The following DHX29 variants were observed in gnomAD, a reference collection of about 807,000 sequenced individuals.
DHX29 encodes the protein DExH-box helicase 29, also known as ATP-dependent RNA helicase DHX29.
DHX29 carries 79 observed loss-of-function variants against 167.9 expected under a neutral mutation model. That is an observed-to-expected ratio of 0.47 (90% CI 0.39 to 0.57). DHX29 has a LOEUF of 0.57. Among genes scored for constraint, DHX29 ranks in the 20% least tolerant of loss-of-function variants. The pLI, the probability that DHX29 is intolerant of heterozygous loss-of-function variation, is 0.00. For synonymous variants in DHX29, 530 were observed against 546.0 expected (o/e 0.97, Z 0.41); for missense variants, 1,347 against 1,593.4 (o/e 0.85, Z 2.63).
chr5:55,307,182 CA>C (rs1748914144), intron 1 of DHX29, among the ~76,000 whole-genome samples: 1 of 152,216 alleles, frequency 6.6e-6, no homozygotes, highest in South Asian at 2.1e-4. Context: ...CAGGCTGCAA[CA>C]GGGCTACTGT....
At chr5:55,259,172 T>C (rs1746191219) in intron 26 of DHX29, among the ~76,000 whole-genome samples, 1 of 152,172 alleles carries the variant, frequency 6.6e-6, no homozygotes, top group Non-Finnish European at 1.5e-5. Flanking sequence ...ATAATAGCTA[T>C]GTTACCAGTT....
At chr5:55,258,440 A>T (rs956763935) in intron 26 of DHX29, among the ~76,000 whole-genome samples, 1 of 152,146 alleles carries the variant, frequency 6.6e-6, no homozygotes, top group Non-Finnish European at 1.5e-5. Flanking sequence ...TAAAATATTT[A>T]AAAAATAATA....
intron 8 of DHX29, among the ~76,000 whole-genome samples, chr5:55,287,759 G>A (rs899939270): frequency 4.0e-5 from 6 of 151,638 alleles, no homozygotes; most frequent in African/African-American, 1.5e-4. Context: ...GACCAGCATG[G>A]CCAACATGGC....
intron 16 of DHX29, among the ~76,000 whole-genome samples, chr5:55,274,104 A>C (rs990900937): frequency 4.6e-5 from 7 of 150,982 alleles, no homozygotes; most frequent in Non-Finnish European, 8.8e-5. Context: ...AAAAAAAAAA[A>C]AGATGAAGGC....
intron 23 of DHX29, among the ~76,000 whole-genome samples, chr5:55,264,543 A>G (rs1025746650): frequency 6.6e-6 from 1 of 152,236 alleles, no homozygotes; most frequent in African/African-American, 2.4e-5. Flanking sequence ...AAAATACACT[A>G]GAGAAGTCTT....
chr5:55,272,631 G>T (rs925694539), intron 17 of DHX29, among the ~76,000 whole-genome samples: 3 of 152,178 alleles, frequency 2.0e-5, no homozygotes, highest in Admixed American at 1.3e-4. Context: ...TACTCAGGAG[G>T]CTGAGGCAGC....
chr5:55,281,563 G>A, intron 11 of DHX29, 48 bp from the exon 12 acceptor site: 1 of 1,393,206 alleles, frequency 7.2e-7, no homozygotes, highest in Non-Finnish European at 9.5e-7. Flanking sequence ...GAGTAATATG[G>A]GAAACAAGCT....
At chr5:55,267,844 C>T (rs1256976013) in intron 21 of DHX29, 22 bp from the exon 22 acceptor site, 8 of 1,565,686 alleles carry the variant, frequency 5.1e-6, no homozygotes, top group Non-Finnish European at 6.9e-6. Flanking sequence ...TCATAAATGA[C>T]AAAACAATTT....
At chr5:55,258,865 CTGTTGAAGGATAA>C (rs1474863614) in intron 26 of DHX29, among the ~76,000 whole-genome samples, 1 of 152,052 alleles carries the variant, frequency 6.6e-6, no homozygotes, top group African/African-American at 2.4e-5. Context: ...TTTCAGATTT[CTGTTGAAGGATAA>C]TGTGTTTATT....
In DHX29 at chr5:55,290,229, T is replaced by C. The variant is rs367664398; in HGVS notation, c.896A>G (p.Lys299Arg). Residue 299 changes from lysine (K) to arginine (R), a missense_variant, in exon 7 of 27, where the codon AAA becomes AGA. Lys to Arg is a conservative substitution (Grantham distance 26, BLOSUM62 2). Around this residue, in one of 3 missense-constraint regions of DHX29, gnomAD observed 405 missense variants for 416.8 expected, o/e 0.97. Coordinates refer to ENST00000251636, the MANE Select transcript of DHX29 (RefSeq NM_019030.4). Reference protein sequence around the residue: ...GQKEAQEKIRKFQREMETLED... With the variant: ...GQKEAQEKIRRFQREMETLED... ...TTGAAAGTGTTTACCTCTTTGAAAT[T>C]TCCTTATTTTTTCCTGAGCCTCTTT... is the stretch of plus-strand genomic sequence containing the variant. 52 of 1,608,014 alleles carry C rather than the reference T, an allele frequency of 3.2e-5. No individual in the cohort carries two copies. The highest frequency in any genetic ancestry group is 4.3e-5 in the Non-Finnish European group (51 of 1,178,984).
chr5:55,269,631 T>G lies in DHX29; in HGVS notation c.3076A>C (p.Asn1026His). Residue 1026 changes from asparagine to histidine, a missense_variant, in exon 21 of 27, where the codon AAT (asparagine) becomes CAT (histidine). Coordinates refer to ENST00000251636, the MANE Select transcript of DHX29 (RefSeq NM_019030.4). The stretch of plus-strand genomic sequence containing the variant: ...AGGAAATCTTCAGGAGAACCAAGAT[T>G]ACATTTCTGCAGATTAAAAAAGCAA... ...EELCLHIMKC[N>H]LGSPEDFLSK... The G allele has an allele frequency of 1.9e-6, 3 of 1,612,676 alleles. No homozygotes were observed. Among genetic ancestry groups the G allele is most frequent in the Non-Finnish European group, 2.5e-6 (3 of 1,178,814 alleles).
chr5:55,306,593 T>C (rs961019530), intron 1 of DHX29, among the ~76,000 whole-genome samples: 2 of 152,260 alleles, frequency 1.3e-5, no homozygotes, highest in African/African-American at 4.8e-5. Flanking sequence ...CATGAGGTGA[T>C]GTCTCTTTTT....
chr5:55,285,611 C>T (rs778541380), intron 9 of DHX29, 85 bp downstream of exon 9: 20 of 1,405,558 alleles, frequency 1.4e-5, no homozygotes, highest in Non-Finnish European at 1.9e-5. Flanking sequence ...TGTCTGCTTA[C>T]CTCACAGGGA....
chr5:55,307,275 T>C, intron 1 of DHX29, 112 bp downstream of exon 1: 3 of 917,786 alleles, frequency 3.3e-6, no homozygotes, highest in South Asian at 3.4e-5. Flanking sequence ...GCTCGAGTGT[T>C]GGGAAATAGA....
chr5:55,257,398 G>C (rs1243274468), intron 26 of DHX29, among the ~76,000 whole-genome samples: 4 of 152,140 alleles, frequency 2.6e-5, no homozygotes, highest in African/African-American at 7.2e-5. Context: ...TTTGAAGTTG[G>C]AACAATGGCA....
intron 14 of DHX29, 90 bp from the exon 15 acceptor site, chr5:55,275,100 T>C (rs941148201): frequency 7.0e-7 from 1 of 1,418,632 alleles, no homozygotes; most frequent in African/African-American, 1.5e-5. Context: ...TTGCATTCAT[T>C]CAAATCTATA....
intron 6 of DHX29, among the ~76,000 whole-genome samples, chr5:55,290,970 G>T (rs1262764129): frequency 6.6e-6 from 1 of 152,090 alleles, no homozygotes; most frequent in Non-Finnish European, 1.5e-5. Context: ...AGCTGAGATC[G>T]TACCACTGCA....
chr5:55,273,360 A>C lies in DHX29; in HGVS notation c.2708T>G (p.Leu903Arg). Residue 903 changes from leucine (L) to arginine (R), a missense_variant, in exon 17 of 27, where the codon CTG (leucine) becomes CGG (arginine). Leu to Arg is a moderately radical substitution (Grantham distance 102). Around this residue, in one of 3 missense-constraint regions of DHX29, gnomAD observed 882 missense variants for 1,082.4 expected, o/e 0.81. Coordinates refer to ENST00000251636, the MANE Select transcript of DHX29 (RefSeq NM_019030.4). Reference sequence around the variant, plus strand: ...ATCTTGGGTTGAAAGAATAGAATGCAGAGCTATCACTTTATATCTGAAAGT... The same window carrying C: ...ATCTTGGGTTGAAAGAATAGAATGCCGAGCTATCACTTTATATCTGAAAGT... The part of the protein sequence containing the change: ...FYSERYKVIA[L>R]HSILSTQDQA... The C allele has an allele frequency of 6.3e-7, 1 of 1,589,356 alleles. No individual in the cohort carries two copies. Among genetic ancestry groups the C allele is most frequent in the Non-Finnish European group, 8.6e-7 (1 of 1,163,828 alleles).
chr5:55,270,246 C>G (rs1318469947), intron 20 of DHX29, among the ~76,000 whole-genome samples, 166 bp downstream of exon 20: 1 of 151,950 alleles, frequency 6.6e-6, no homozygotes, highest in Admixed American at 6.6e-5. Flanking sequence ...CTGGCAAAAT[C>G]AAAACACAGT....
Sources: gnomAD v4.1 joint callset for allele counts (sites outside exome capture counted in the v4.1 genomes callset) on GRCh38, gnomAD v4.1.1 for gene constraint, gnomAD v4.1.1 regional missense constraint, MANE v1.5 for transcripts, NCBI Gene and HGNC (gene_info 2026-07-23, HGNC 2026-07-21) for gene names.